KHNYN: variants seen among roughly 807,000 people sequenced by gnomAD.
The protein encoded by KHNYN is KH and NYN domain containing.
Under a neutral mutation model 62.7 loss-of-function variants are expected in KHNYN, and 42 were observed. The observed-to-expected ratio is 0.67, with a 90% CI of 0.52 to 0.87. The LOEUF is 0.87. Among genes scored for constraint, KHNYN ranks in the 40% least tolerant of loss-of-function variants. KHNYN has a pLI of 0.00. For synonymous variants in KHNYN, 347 were observed against 345.6 expected, an observed-to-expected ratio of 1.00 and a Z score of -0.04; for missense variants, 829 against 874.1, an observed-to-expected ratio of 0.95 and a Z score of 0.65.
rs758696139 is a variant in KHNYN at position 24,440,184 on chromosome 14, G to T, written c.*2899G>T. The T allele has an allele frequency of 4.3e-6, 7 of 1,613,946 alleles. No individual in the cohort carries two copies. Among genetic ancestry groups the T allele is most frequent in the Non-Finnish European group, 5.1e-6 (6 of 1,179,844 alleles). On this transcript the variant is annotated 3_prime_UTR_variant, in exon 8 of 8. Transcript: ENST00000553935. ...GGGATCACCTTCTGGCCCTCCAGCA[G>T]CATGATGGCACGCTGTCGCCCAAAG...
intron 6 of KHNYN, 56 bp downstream of exon 6, chr14:24,436,235 C>A: frequency 6.6e-7 from 1 of 1,519,878 alleles, no homozygotes; most frequent in Non-Finnish European, 9.1e-7. Context: ...TTTCTAAAGC[C>A]AGCTCTGCTC....
chr14:24,428,845 C>T (rs1432688791), upstream of KHNYN: 11 of 1,612,468 alleles, frequency 6.8e-6, no homozygotes, highest in Non-Finnish European at 2.5e-6. Context: ...ATGCCACTCG[C>T]CCAGGGGGTG....
intron 2 of KHNYN, 109 bp downstream of exon 2, chr14:24,431,040 C>G: frequency 9.6e-7 from 1 of 1,043,108 alleles, no homozygotes; most frequent in Non-Finnish European, 1.4e-6. Flanking sequence ...TGGGGAGGAT[C>G]TCCACTTCTT....
At chr14:24,429,070 C>T, upstream of KHNYN, 1 of 1,478,682 alleles carries the variant, frequency 6.8e-7, no homozygotes, top group South Asian at 1.3e-5. Flanking sequence ...AGGGGCTCTG[C>T]AACCCACAAG....
rs888240101 is a variant in KHNYN at position 24,441,809 on chromosome 14, A to G, written c.*4524A>G. Reference sequence around the variant, plus strand: ...GTTTCATTCCATCTGCAGGAGAAACATGGGAAATAAAAAGCCACTAAATAC... The same window carrying G: ...GTTTCATTCCATCTGCAGGAGAAACGTGGGAAATAAAAAGCCACTAAATAC... On this transcript the variant is annotated 3_prime_UTR_variant, in exon 8 of 8. Coordinates refer to ENST00000553935, the MANE Select transcript of KHNYN (RefSeq NM_015299.3). The G allele has an allele frequency of 2.2e-5, 36 of 1,603,444 alleles. No individual in the cohort carries two copies. Among genetic ancestry groups the G allele is most frequent in the African/African-American group, 4.0e-5 (3 of 74,478 alleles).
chr14:24,439,185 GTTTT>G lies in KHNYN; in HGVS notation c.*1908_*1911del, dbSNP rs890395531. The G allele has an allele frequency of 8.8e-5, 13 of 148,486 alleles. No individual in the cohort carries two copies. Among genetic ancestry groups the G allele is most frequent in the African/African-American group, 3.2e-4 (13 of 40,604 alleles). 9.2% of individuals were successfully genotyped at this position (148,486 alleles called of 1,614,324 possible). ...AAGGGTCCTAGATGAAAACCTTGGA[GTTTT>G]TTTTTTTCCTGATAGGGTTGTTTAT... On this transcript the variant is annotated 3_prime_UTR_variant, in exon 8 of 8. Coordinates refer to ENST00000553935, the MANE Select transcript of KHNYN (RefSeq NM_015299.3).
At chr14:24,433,934 C>A (rs1229255815) in intron 5 of KHNYN, among the ~76,000 whole-genome samples, 1 of 152,152 alleles carries the variant, frequency 6.6e-6, no homozygotes, top group East Asian at 1.9e-4. Flanking sequence ...TTTACAAGTT[C>A]TTTATTCTCT....
upstream of KHNYN, chr14:24,428,682 G>A: frequency 1.4e-6 from 2 of 1,475,276 alleles, no homozygotes; most frequent in South Asian, 1.3e-5. Context: ...AGACAGCAAA[G>A]TGGGCTTGGA....
chr14:24,430,983 A>T (rs754246961), intron 2 of KHNYN, 52 bp downstream of exon 2: 1 of 1,530,648 alleles, frequency 6.5e-7, no homozygotes, highest in Admixed American at 1.8e-5. Context: ...GCTTTCCCCC[A>T]GGGCGGAGGA....
intron 5 of KHNYN, 25 bp downstream of exon 5, chr14:24,433,057 G>A (rs766838821): frequency 1.9e-6 from 3 of 1,594,586 alleles, no homozygotes; most frequent in Admixed American, 3.3e-5. Context: ...CCTGGCCCCA[G>A]GCTTGATATT....
intron 1 of KHNYN, chr14:24,430,442 C>G (rs1388366337): frequency 4.7e-6 from 6 of 1,263,380 alleles, no homozygotes; most frequent in African/African-American, 1.5e-5. Context: ...TGGAGCCCCC[C>G]CACCCTTCTT....
chr14:24,432,013 A>G lies in KHNYN; in HGVS notation c.752A>G (p.Asp251Gly), dbSNP rs140425094. The change falls in exon 3 of 8, where the codon GAC becomes GGC. Residue 251 changes from aspartate (D) to glycine (G), a missense_variant. Transcript: ENST00000553935. The surrounding 1 kb of genome is among the most constrained non-coding windows in gnomAD (Gnocchi z 5.6). ...GGAGATTGCAGGGGAGCAAGGGGAG[A>G]CACTTACGCTGTGGAGAAGGAGGGA... Reference protein sequence around the residue: ...GPGDCRGARGDTYAVEKEGGK... With the variant: ...GPGDCRGARGGTYAVEKEGGK... 936 of 1,608,926 alleles carry G rather than the reference A, an allele frequency of 5.8e-4. No homozygotes were observed. Among genetic ancestry groups the G allele is most frequent in the Admixed American group, 7.4e-4 (44 of 59,764 alleles).
At chr14:24,436,318 A>G in intron 6 of KHNYN, 70 bp from the exon 7 acceptor site, 2 of 1,457,660 alleles carry the variant, frequency 1.4e-6, no homozygotes, top group Admixed American at 1.7e-5. Flanking sequence ...TTCTGGTGAT[A>G]CTGGTCTCGG....
rs755222251 is a variant in KHNYN at position 24,432,979 on chromosome 14, C to T, written c.1524C>T (p.Ser508=). 2.2e-5 allele frequency: 36 copies of T among 1,614,066 alleles called. No individual in the cohort carries two copies. The highest frequency in any genetic ancestry group is 2.8e-5 in the Non-Finnish European group (33 of 1,180,010). Residue 508 remains serine, a synonymous_variant, in exon 5 of 8, where the codon TCC becomes TCT. Coordinates refer to ENST00000553935, the MANE Select transcript of KHNYN (RefSeq NM_015299.3). This position sits in a 1 kb window ranked among gnomAD's most constrained non-coding sequence, Gnocchi z 5.6. ...LQKLYSLSLL[S]LTPSRVMDGK... is the part of the protein sequence containing the mutation. ...AGCTGTATTCCCTCAGCCTGCTCTC[C>T]CTCACACCCTCACGAGTCATGGATG...
rs777628776 is a variant in KHNYN, at chr14:24,441,734, C to G, written c.*4449C>G. ...TGTGGGGCTTTGGTGATGGCTTTAG[C>G]CAGCAATTGGGTGGTCTCTAGGCGG... is the stretch of plus-strand genomic sequence containing the variant. On this transcript the variant is annotated 3_prime_UTR_variant, in exon 8 of 8. Coordinates refer to ENST00000553935, the MANE Select transcript of KHNYN (RefSeq NM_015299.3). The G allele has an allele frequency of 6.2e-7, 1 of 1,602,160 alleles. No homozygotes were observed.
chr14:24,428,271 C>T (rs780235157), upstream of KHNYN: 1 of 1,613,012 alleles, frequency 6.2e-7, no homozygotes, highest in Non-Finnish European at 8.5e-7. Flanking sequence ...GGATGGGGGC[C>T]AGTGCTGAGG....
intron 2 of KHNYN, 82 bp from the exon 3 acceptor site, chr14:24,431,381 G>T: frequency 8.9e-7 from 1 of 1,121,482 alleles, no homozygotes; most frequent in Non-Finnish European, 1.3e-6. Context: ...ACATCCTGGA[G>T]CTCAGGAGCG....
upstream of KHNYN, chr14:24,429,636 T>G: frequency 8.9e-7 from 1 of 1,126,670 alleles, no homozygotes; most frequent in Non-Finnish European, 1.1e-6. Context: ...TGGTGGAAAG[T>G]GCTTGGGCCT....
chr14:24,428,249 C>T (rs761304152), upstream of KHNYN: 1 of 1,610,516 alleles, frequency 6.2e-7, no homozygotes, highest in Admixed American at 1.7e-5. Context: ...CCTCCCCACC[C>T]TCCTGAGCCG....
Sources: gnomAD v4.1 joint callset for allele counts (sites outside exome capture counted in the v4.1 genomes callset) on GRCh38, gnomAD v4.1.1 for gene constraint, Gnocchi (gnomAD v3.1) non-coding constraint, MANE v1.5 for transcripts, NCBI Gene and HGNC (gene_info 2026-07-23, HGNC 2026-07-21) for gene names.